Variants in RBM39 observed in about 807,000 individuals in gnomAD.
RBM39 encodes the protein RNA binding motif protein 39.
RBM39 carries 12 observed loss-of-function variants against 79.6 expected under a neutral mutation model. That is an observed-to-expected ratio of 0.15 (90% CI 0.10 to 0.24). The LOEUF (loss-of-function observed/expected upper bound fraction) is 0.24, where lower values mean the gene tolerates loss of function less well. RBM39 is among the 10% of genes least tolerant of loss of function. The pLI is 1.00. For synonymous variants in RBM39, 185 were observed against 208.4 expected, an observed-to-expected ratio of 0.89 and a Z score of 0.97; for missense variants, 243 against 653.4, an observed-to-expected ratio of 0.37 and a Z score of 6.85.
At chr20:35,710,885 T>A (rs555018835) in intron 12 of RBM39, among the ~76,000 whole-genome samples, 7 of 152,132 alleles carry the variant, frequency 4.6e-5, no homozygotes, top group Non-Finnish European at 8.8e-5. Context: ...GGAATGTAAC[T>A]AGATACATAG....
At chr20:35,737,253 G>A (rs546057059) in intron 3 of RBM39, among the ~76,000 whole-genome samples, 15 of 151,978 alleles carry the variant, frequency 9.9e-5, no homozygotes, top group East Asian at 7.9e-4. Flanking sequence ...AGCCAGGTGC[G>A]GTGGCAGGCA....
At chr20:35,715,315 T>C (rs2036970405) in intron 10 of RBM39, among the ~76,000 whole-genome samples, 1 of 152,098 alleles carries the variant, frequency 6.6e-6, no homozygotes. Flanking sequence ...GCTAGGATTA[T>C]AGGCGCCCGC....
At position 35,716,814 on chromosome 20, in the gene RBM39, G is replaced by A. The variant is rs1340737453; in HGVS notation, c.826-9C>T. 6.3e-7 allele frequency: 1 copy of A among 1,584,452 alleles called. No individual in the cohort carries two copies. The highest frequency in any genetic ancestry group is 1.1e-5 in the South Asian group (1 of 88,802). On this transcript the variant is annotated splice_polypyrimidine_tract_variant and intron_variant, in intron 9 of 16. Coordinates refer to ENST00000253363, the MANE Select transcript of RBM39 (RefSeq NM_184234.3). ...AGCTGGATACTTTCAATCTATAATTGAAAAGCATAATTACTATAACTTAAA... is the reference window on the plus strand; with the variant it reads ...AGCTGGATACTTTCAATCTATAATTAAAAAGCATAATTACTATAACTTAAA...
At chr20:35,711,106 G>A (rs983449480) in intron 12 of RBM39, among the ~76,000 whole-genome samples, 3 of 152,118 alleles carry the variant, frequency 2.0e-5, no homozygotes, top group Non-Finnish European at 4.4e-5. Context: ...GCAAATCAAC[G>A]TATCTGATAC....
intron 12 of RBM39, among the ~76,000 whole-genome samples, chr20:35,711,849 TAAG>T (rs2036459493): frequency 6.6e-6 from 1 of 152,120 alleles, no homozygotes; most frequent in Admixed American, 6.5e-5. Context: ...TATATATATA[TAAG>T]GTCAAAGGAC....
At chr20:35,732,353 C>G (rs945330384) in intron 3 of RBM39, 9 of 562,692 alleles carry the variant, frequency 1.6e-5, no homozygotes, top group Non-Finnish European at 2.2e-5. Context: ...GTCAGGAGTT[C>G]AAGACCAGTC....
chr20:35,710,947 T>TA (rs891488140), intron 12 of RBM39, among the ~76,000 whole-genome samples: 1 of 152,152 alleles, frequency 6.6e-6, no homozygotes, highest in African/African-American at 2.4e-5. Context: ...TTTAGGATTT[T>TA]AGCTGGCTAC....
chr20:35,705,145 A>G (rs117572587), intron 15 of RBM39, 80 bp downstream of exon 15: 239 of 840,468 alleles, frequency 2.8e-4, no homozygotes, highest in East Asian at 7.8e-4. Context: ...ACGGTTAACC[A>G]TAACATGCAC....
chr20:35,721,680 T>G (rs2037959165), intron 9 of RBM39, 60 bp downstream of exon 9: 1 of 1,538,958 alleles, frequency 6.5e-7, no homozygotes, highest in African/African-American at 1.4e-5. Context: ...CATACAGAAA[T>G]TATGTAGTTA....
chr20:35,713,964 GA>G (rs2036793253), intron 11 of RBM39: 1 of 516,316 alleles, frequency 1.9e-6, no homozygotes, highest in South Asian at 2.7e-5. Flanking sequence ...TAAAGGAAAA[GA>G]AATCTTGCAA....
chr20:35,738,903 C>A, intron 3 of RBM39, 65 bp downstream of exon 3: 2 of 1,393,668 alleles, frequency 1.4e-6, no homozygotes, highest in Non-Finnish European at 2.0e-6. Context: ...CACAGGAACA[C>A]AACTTAAGGT....
intron 6 of RBM39, 106 bp from the exon 7 acceptor site, chr20:35,725,261 G>A: frequency 1.3e-6 from 1 of 760,260 alleles, no homozygotes; most frequent in South Asian, 2.0e-5. Context: ...GTACAGGTGG[G>A]TTTTGGTTAC....
At chr20:35,725,000 T>C (rs1193160845) in intron 7 of RBM39, 38 bp downstream of exon 7, 2 of 1,379,740 alleles carry the variant, frequency 1.4e-6, no homozygotes, top group Admixed American at 2.0e-5. Context: ...CTCTTGCAAT[T>C]TCTACCTACT....
intron 10 of RBM39, 98 bp downstream of exon 10, chr20:35,716,642 C>T (rs1028189853): frequency 1.3e-6 from 1 of 756,054 alleles, no homozygotes. Flanking sequence ...GGTGGGACAT[C>T]ATTTAAGGCC....
rs1181452313 is a variant in RBM39, at chr20:35,714,460, A to G, written c.892-71T>C. The G allele has an allele frequency of 4.7e-5, 68 of 1,443,594 alleles. No individual in the cohort carries two copies. The East Asian group carries it at 7.2e-4, about 15-fold the overall frequency. 89.4% of individuals were successfully genotyped at this position (1,443,594 alleles called of 1,614,324 possible). On this transcript the variant is annotated intron_variant, in intron 10 of 16. Transcript: ENST00000253363. ...TAAAATACAAACTATACTTAAAAAT[A>G]TATTTATATTTTTAGCATATTCAAT...
chr20:35,725,301 A>G (rs2038516544), intron 6 of RBM39, 146 bp from the exon 7 acceptor site: 2 of 583,974 alleles, frequency 3.4e-6, no homozygotes, highest in Non-Finnish European at 6.0e-6. Context: ...GTGAATTCTG[A>G]GATTTTAGTG....
At chr20:35,736,733 C>G (rs1277455714) in intron 3 of RBM39, 1 of 361,244 alleles carries the variant, frequency 2.8e-6, no homozygotes, top group Non-Finnish European at 5.6e-6. Flanking sequence ...TCATTACAAC[C>G]TCTGCCTCCC....
intron 10 of RBM39, 22 bp downstream of exon 10, chr20:35,716,718 T>C (rs2037183208): frequency 2.1e-6 from 3 of 1,411,366 alleles, no homozygotes; most frequent in South Asian, 1.2e-5. Context: ...CCCTAAGTAA[T>C]ATAATTATGG....
intron 6 of RBM39, among the ~76,000 whole-genome samples, chr20:35,726,128 TTTTTC>T (rs1479261461): frequency 6.6e-6 from 1 of 152,158 alleles, no homozygotes; most frequent in African/African-American, 2.4e-5. Flanking sequence ...AAAAAAGTAA[TTTTTC>T]TTTTCTTTTT....
Sources: gnomAD v4.1 joint callset for allele counts (sites outside exome capture counted in the v4.1 genomes callset) on GRCh38, gnomAD v4.1.1 for gene constraint, MANE v1.5 for transcripts, NCBI Gene and HGNC (gene_info 2026-07-23, HGNC 2026-07-21) for gene names.